The following EPHA6 variants were observed in gnomAD, a reference collection of about 807,000 sequenced individuals.
The protein encoded by EPHA6 is ephrin type-A receptor 6.
In EPHA6, 50 loss-of-function variants were observed where a neutral mutation model predicts 112.0. The observed-to-expected ratio is 0.45, with a 90% confidence interval of 0.36 to 0.56. EPHA6 has a LOEUF of 0.56. EPHA6 is among the 20% of genes least tolerant of loss of function. The probability of loss-of-function intolerance (pLI) is 0.00; values close to 1 mark genes in which losing one functional copy is unlikely to be tolerated. For missense variants in EPHA6, 1,280 were observed against 1,417.4 expected (o/e 0.90, Z 1.56); for synonymous variants, 529 against 490.7 (o/e 1.08, Z -1.03).
chr3:96,940,337 C>T (rs1440755812), intron 2 of EPHA6, among the ~76,000 whole-genome samples: 2 of 152,128 alleles, frequency 1.3e-5, no homozygotes, highest in Non-Finnish European at 2.9e-5. Context: ...GAATTGATCC[C>T]TTTACCATTA....
intron 7 of EPHA6, among the ~76,000 whole-genome samples, chr3:97,463,242 T>C (rs2090949952): frequency 6.6e-6 from 1 of 152,126 alleles, no homozygotes; most frequent in South Asian, 2.1e-4. Flanking sequence ...TAATGCTTTT[T>C]TAAGCAGTAA....
At chr3:97,158,270 C>T (rs2076334956) in intron 3 of EPHA6, among the ~76,000 whole-genome samples, 1 of 152,136 alleles carries the variant, frequency 6.6e-6, no homozygotes, top group East Asian at 1.9e-4. Context: ...TAAACACACA[C>T]ACACAGACAC....
chr3:97,199,716 G>C (rs958827308), intron 3 of EPHA6, among the ~76,000 whole-genome samples: 2 of 152,034 alleles, frequency 1.3e-5, no homozygotes, highest in African/African-American at 4.8e-5. Context: ...AAGAACTTGG[G>C]ATTCTAATTA....
At position 97,016,108 on chromosome 3, in the gene EPHA6, T is replaced by C. The variant is rs187424279; in HGVS notation, c.1114+28115T>C. ...AAAAAGAAAATCCCAAAGTGGTGAA[T>C]GAAACATTGAAGATATGTGTCTTAC... On this transcript the variant is annotated intron_variant, in intron 3 of 17. Coordinates refer to ENST00000389672, the MANE Select transcript of EPHA6 (RefSeq NM_001080448.3). Among the ~76,000 whole-genome samples the C allele has an allele frequency of 1.3e-3, 199 of 152,120 alleles. 1 individual carries two copies. Among genetic ancestry groups the C allele is most frequent in the Admixed American group, 0.011 (164 of 15,272 alleles).
At chr3:97,019,365 A>G (rs894357876) in intron 3 of EPHA6, among the ~76,000 whole-genome samples, 5 of 152,028 alleles carry the variant, frequency 3.3e-5, no homozygotes, top group Non-Finnish European at 7.4e-5. Context: ...ATATGTACTA[A>G]TCATCACTTG....
chr3:97,671,664 G>A (rs1266036922), intron 14 of EPHA6, among the ~76,000 whole-genome samples: 1 of 152,044 alleles, frequency 6.6e-6, no homozygotes, highest in African/African-American at 2.4e-5. Context: ...TGTTTGCATG[G>A]AAAATGGTAC....
At chr3:97,061,175 G>A (rs971057569) in intron 3 of EPHA6, among the ~76,000 whole-genome samples, 1 of 152,134 alleles carries the variant, frequency 6.6e-6, no homozygotes. Context: ...ATTGTATGTG[G>A]TATATAGATT....
At chr3:97,610,990 C>G in intron 13 of EPHA6, 136 bp downstream of exon 13, 1 of 696,074 alleles carries the variant, frequency 1.4e-6, no homozygotes, top group East Asian at 2.7e-5. Flanking sequence ...CTCTAGGGTG[C>G]ATTTCCCTGA....
At chr3:96,831,187 A>G (rs1298393654) in intron 1 of EPHA6, among the ~76,000 whole-genome samples, 1 of 152,088 alleles carries the variant, frequency 6.6e-6, no homozygotes, top group Non-Finnish European at 1.5e-5. Flanking sequence ...TTGTGGGTAT[A>G]AAACCATTTA....
chr3:97,110,589 A>G (rs976660008), intron 3 of EPHA6, among the ~76,000 whole-genome samples: 2 of 152,122 alleles, frequency 1.3e-5, no homozygotes, highest in East Asian at 1.9e-4. Context: ...CAGTGGTGCA[A>G]TCTCTGTTCA....
At chr3:97,666,658 G>A (rs748372268) in intron 14 of EPHA6, among the ~76,000 whole-genome samples, 3 of 152,122 alleles carry the variant, frequency 2.0e-5, no homozygotes, top group Non-Finnish European at 4.4e-5. Flanking sequence ...CCCTACTTCA[G>A]TATGACCTCA....
chr3:97,625,264 G>A (rs2093845989), intron 13 of EPHA6, among the ~76,000 whole-genome samples: 2 of 151,576 alleles, frequency 1.3e-5, no homozygotes, highest in Non-Finnish European at 3.0e-5. Context: ...TAGTCACTAA[G>A]TATTTTCTAA....
chr3:96,967,736 C>T (rs2042176139), intron 2 of EPHA6, among the ~76,000 whole-genome samples: 1 of 151,464 alleles, frequency 6.6e-6, no homozygotes. Context: ...TTGTTAAGCA[C>T]TTCGATTGAT....
intron 1 of EPHA6, among the ~76,000 whole-genome samples, chr3:96,861,873 A>G (rs986787376): frequency 1.2e-4 from 18 of 152,028 alleles, no homozygotes; most frequent in Admixed American, 7.9e-4. Context: ...AAATATTCCA[A>G]GTACAGAGAG....
intron 11 of EPHA6, among the ~76,000 whole-genome samples, chr3:97,565,866 A>T (rs58432614): frequency 0.015 from 2,344 of 151,796 alleles, 42 homozygotes; most frequent in African/African-American, 0.046. Flanking sequence ...AAAATACAAA[A>T]ATTAGCTGGG....
chr3:97,565,212 G>A lies in EPHA6; in HGVS notation c.2387-27400G>A, dbSNP rs146354641. Among the ~76,000 whole-genome samples the A allele has an allele frequency of 6.0e-5, 9 of 150,038 alleles. No individual in the cohort carries two copies. In the East Asian group the frequency reaches 1.7e-3, roughly 29 times the overall value. On this transcript the variant is annotated intron_variant, in intron 11 of 17. Coordinates refer to ENST00000389672, the MANE Select transcript of EPHA6 (RefSeq NM_001080448.3). ...TTCAAGGCTCCTACATTAACCAGAT[G>A]TCATGATTTATAAATCACATGCTAT...
chr3:97,504,137 A>G (rs781293918), intron 10 of EPHA6, among the ~76,000 whole-genome samples: 1 of 152,236 alleles, frequency 6.6e-6, no homozygotes, highest in Non-Finnish European at 1.5e-5. Context: ...TAGAATGAAG[A>G]GATCTCACTT....
intron 14 of EPHA6, among the ~76,000 whole-genome samples, chr3:97,670,524 T>C (rs2030703741): frequency 6.6e-6 from 1 of 152,190 alleles, no homozygotes; most frequent in South Asian, 2.1e-4. Context: ...GCTAACCTGT[T>C]GAATTTATGC....
chr3:97,222,036 A>G (rs1374999857), intron 3 of EPHA6, among the ~76,000 whole-genome samples: 1 of 151,876 alleles, frequency 6.6e-6, no homozygotes, highest in Non-Finnish European at 1.5e-5. Context: ...TCAAAAAAAA[A>G]AAAAAACCAA....
Sources: gnomAD v4.1 joint callset for allele counts (sites outside exome capture counted in the v4.1 genomes callset) on GRCh38, gnomAD v4.1.1 for gene constraint, MANE v1.5 for transcripts, NCBI Gene and HGNC (gene_info 2026-07-23, HGNC 2026-07-21) for gene names.